The following IRAK4 variants were observed in gnomAD, a reference collection of about 807,000 sequenced individuals.
IRAK4 encodes the protein interleukin 1 receptor associated kinase 4, also known as interleukin-1 receptor-associated kinase 4.
A neutral mutation model predicts 51.8 loss-of-function variants in IRAK4; 44 were observed. The ratio of observed to expected loss-of-function variants is 0.85; its 90% CI spans 0.67 to 1.09. IRAK4 has a LOEUF of 1.09. Among genes scored for constraint, IRAK4 ranks in the 50% least tolerant of loss-of-function variants. IRAK4 has a pLI of 0.00. For missense variants in IRAK4, 487 were observed against 538.0 expected (o/e 0.91, Z 0.94); for synonymous variants, 149 against 174.1 (o/e 0.86, Z 1.13).
chr12:43,772,412 C>A, intron 4 of IRAK4, 50 bp downstream of exon 4: 1 of 1,497,772 alleles, frequency 6.7e-7, no homozygotes, highest in Non-Finnish European at 9.2e-7. Flanking sequence ...ATTAAGACTA[C>A]CAGTGCTTTA....
chr12:43,785,277 C>T (rs539194082), intron 10 of IRAK4, among the ~76,000 whole-genome samples: 2 of 152,186 alleles, frequency 1.3e-5, no homozygotes, highest in African/African-American at 4.8e-5. Context: ...CATGATTCAC[C>T]CAACTCCACG....
At chr12:43,781,778 G>C (rs1459849139) in intron 8 of IRAK4, among the ~76,000 whole-genome samples, 1 of 152,170 alleles carries the variant, frequency 6.6e-6, no homozygotes, top group African/African-American at 2.4e-5. Flanking sequence ...ATTAAAGTAT[G>C]AAAGCACATA....
At chr12:43,784,074 G>T (rs905715401) in intron 10 of IRAK4, among the ~76,000 whole-genome samples, 4 of 151,070 alleles carry the variant, frequency 2.6e-5, no homozygotes, top group Non-Finnish European at 5.9e-5. Context: ...TCAGAGGGGG[G>T]AAAAAAAAGG....
Position 43,774,015 on chromosome 12 carries a change from A to G in IRAK4, c.702A>G (p.Ile234Met), listed in dbSNP as rs778986995. Residue 234 changes from isoleucine to methionine, a missense_variant, in exon 6 of 12, where the codon ATA becomes ATG. Coordinates refer to ENST00000613694, the MANE Select transcript of IRAK4 (RefSeq NM_016123.4). ...TGAAACAGCAGTTTGATCAAGAAAT[A>G]AAAGTAATGGCAAAGTAAGTCTTAA... ...EELKQQFDQE[I>M]KVMAKCQHEN... 2.5e-6 allele frequency: 4 copies of G among 1,610,282 alleles called. No homozygotes were observed. In the Admixed American group the frequency reaches 6.7e-5, roughly 27 times the overall value.
chr12:43,783,317 A>AAT (rs572443308), intron 9 of IRAK4, among the ~76,000 whole-genome samples: 1 of 151,720 alleles, frequency 6.6e-6, no homozygotes, highest in East Asian at 1.9e-4. Flanking sequence ...TATCATGTAT[A>AAT]ATATATATAT....
rs1940397980 is a variant in IRAK4, at chr12:43,768,395, T to C, written c.161+123T>C. ...AACCTCTCCACTATGGAGGAGACAT[T>C]GGTAGTAGGTAACCTCTTTTTGATT... On this transcript the variant is annotated intron_variant, in intron 2 of 11. Coordinates refer to ENST00000613694, the MANE Select transcript of IRAK4 (RefSeq NM_016123.4). 8.8e-6 allele frequency: 6 copies of C among 683,086 alleles called. No homozygotes were observed. In the Admixed American group the frequency reaches 1.2e-4, roughly 13 times the overall value. 42.3% of individuals were successfully genotyped at this position (683,086 alleles called of 1,614,324 possible).
At chr12:43,784,702 G>T (rs1016484690) in intron 10 of IRAK4, among the ~76,000 whole-genome samples, 10 of 152,128 alleles carry the variant, frequency 6.6e-5, no homozygotes, top group Non-Finnish European at 1.5e-4. Context: ...CACAAGTTTT[G>T]CATTTCATCA....
intron 8 of IRAK4, 28 bp downstream of exon 8, chr12:43,778,330 G>A (rs1301077600): frequency 1.7e-5 from 21 of 1,235,076 alleles, no homozygotes; most frequent in Non-Finnish European, 2.2e-5. Flanking sequence ...AAAGTTTTTG[G>A]AAAGCTGTCT....
At chr12:43,761,436 T>G (rs1488776024) in intron 1 of IRAK4, among the ~76,000 whole-genome samples, 1 of 152,148 alleles carries the variant, frequency 6.6e-6, no homozygotes, top group Non-Finnish European at 1.5e-5. Context: ...GATATAAGAA[T>G]AATTTCTGCC....
At chr12:43,768,352 G>C in intron 2 of IRAK4, 80 bp downstream of exon 2, 2 of 1,095,452 alleles carry the variant, frequency 1.8e-6, no homozygotes, top group Non-Finnish European at 2.7e-6. Flanking sequence ...ACTGTCTAAT[G>C]TGGCAGTTTA....
At chr12:43,762,438 T>C (rs372823467) in intron 1 of IRAK4, among the ~76,000 whole-genome samples, 1 of 152,204 alleles carries the variant, frequency 6.6e-6, no homozygotes, top group African/African-American at 2.4e-5. Context: ...TTGTCAATCA[T>C]GTTGTACCTT....
At position 43,768,141 on chromosome 12, in the gene IRAK4, T is replaced by C; in HGVS notation, c.30T>C (p.Tyr10=). The C allele has an allele frequency of 6.2e-7, 1 of 1,613,714 alleles. No homozygotes were observed. Among genetic ancestry groups the C allele is most frequent in the Non-Finnish European group, 8.5e-7 (1 of 1,179,740 alleles). The change falls in exon 2 of 12, where the codon TAT becomes TAC. Residue 10 remains tyrosine, a synonymous_variant. Transcript: ENST00000613694. MNKPITPST[Y]VRCLNVGLIR... is the part of the protein sequence containing the mutation. Reference sequence around the variant, plus strand: ...ACAAACCCATAACACCATCAACATATGTGCGCTGCCTCAATGTTGGACTAA... The same window carrying C: ...ACAAACCCATAACACCATCAACATACGTGCGCTGCCTCAATGTTGGACTAA...
Position 43,772,255 on chromosome 12 carries a change from G to T in IRAK4, c.383G>T (p.Cys128Phe), listed in dbSNP as rs777691189. 6.2e-7 allele frequency: 1 copy of T among 1,613,812 alleles called. No individual in the cohort carries two copies. The highest frequency in any genetic ancestry group is 8.5e-7 in the Non-Finnish European group (1 of 1,179,860). Residue 128 changes from cysteine to phenylalanine, a missense_variant, in exon 4 of 12, where the codon TGT becomes TTT. Cys to Phe is a radical substitution (Grantham distance 205). Transcript: ENST00000613694. ...GTTCAGCAAAAACAGATGCCTTTCT[G>T]TGACAAAGACAGGACATTGATGACA... ...ITVQQKQMPF[C>F]DKDRTLMTPV...
At chr12:43,778,337 G>T (rs776170021) in intron 8 of IRAK4, 35 bp downstream of exon 8, 2 of 1,143,350 alleles carry the variant, frequency 1.7e-6, no homozygotes, top group African/African-American at 3.0e-5. Context: ...TTGGAAAGCT[G>T]TCTTTAAAGA....
intron 9 of IRAK4, 147 bp downstream of exon 9, chr12:43,782,637 G>T: frequency 1.5e-6 from 1 of 683,308 alleles, no homozygotes. Flanking sequence ...ATACCAGAAA[G>T]TTTATAAAAA....
At chr12:43,760,854 A>G (rs1337090169) in intron 1 of IRAK4, 1 of 152,176 alleles carries the variant, frequency 6.6e-6, no homozygotes, top group Admixed American at 6.5e-5. Flanking sequence ...ATTAGAATAT[A>G]AACTCCATGA....
In IRAK4 at chr12:43,783,655, T is replaced by C. The variant is rs1486617000; in HGVS notation, c.1126-7T>C. 11 of 1,582,914 alleles carry C rather than the reference T, an allele frequency of 6.9e-6. No individual in the cohort carries two copies. The highest frequency in any genetic ancestry group is 6.9e-6 in the Non-Finnish European group (8 of 1,153,050). On this transcript the variant is annotated splice_region_variant and splice_polypyrimidine_tract_variant and intron_variant, in intron 9 of 11. Coordinates refer to ENST00000613694, the MANE Select transcript of IRAK4 (RefSeq NM_016123.4). ...TATTATATTAATGATTTTTTTTGTC[T>C]TCATAGGTTTTACTAGAAATAATAA...
chr12:43,772,198 C>G lies in IRAK4; in HGVS notation c.326C>G (p.Ala109Gly), dbSNP rs750658320. The part of the protein sequence containing the change: ...LLLPDAVPKT[A>G]NTLPSKEAIT... Reference sequence around the variant, plus strand: ...TTGTTAGATGCTGTTCCCAAAACTGCTAATACACTACCTTCTAAAGAAGCT... The same window carrying G: ...TTGTTAGATGCTGTTCCCAAAACTGGTAATACACTACCTTCTAAAGAAGCT... The change falls in exon 4 of 12, where the codon GCT (alanine) becomes GGT (glycine). Residue 109 changes from alanine to glycine, a missense_variant. Coordinates refer to ENST00000613694, the MANE Select transcript of IRAK4 (RefSeq NM_016123.4). 16 of 1,613,174 alleles carry G rather than the reference C, an allele frequency of 9.9e-6. No homozygotes were observed. Among genetic ancestry groups the G allele is most frequent in the Non-Finnish European group, 1.2e-5 (14 of 1,179,706 alleles).
chr12:43,780,069 G>A (rs1225573832), intron 8 of IRAK4, among the ~76,000 whole-genome samples: 1 of 152,148 alleles, frequency 6.6e-6, no homozygotes, highest in South Asian at 2.1e-4. Flanking sequence ...AGAGTGTGGA[G>A]TCCCTGAAAA....
Sources: allele counts gnomAD v4.1 joint callset (sites outside exome capture counted in the v4.1 genomes callset), GRCh38; gene constraint gnomAD v4.1.1; transcripts MANE v1.5; gene names NCBI Gene and HGNC (gene_info 2026-07-23, HGNC 2026-07-21).